The following GRID1 variants were observed in gnomAD, a reference collection of about 807,000 sequenced individuals.
The protein encoded by GRID1 is glutamate receptor ionotropic, delta-1.
GRID1 carries 28 observed loss-of-function variants against 98.0 expected under a neutral mutation model. The ratio of observed to expected loss-of-function variants is 0.29; its 90% CI spans 0.21 to 0.39. The LOEUF is 0.39. Among genes scored for constraint, GRID1 ranks in the 10% least tolerant of loss-of-function variants. GRID1 has a pLI of 1.00. For synonymous variants in GRID1, 553 were observed against 538.5 expected (o/e 1.03, Z -0.37); for missense variants, 1,111 against 1,340.5 (o/e 0.83, Z 2.67).
At chr10:85,690,813 A>G (rs1841323410) in intron 12 of GRID1, among the ~76,000 whole-genome samples, 2 of 152,192 alleles carry the variant, frequency 1.3e-5, no homozygotes, top group South Asian at 4.1e-4. Context: ...AGTTAGATAT[A>G]AAACCATCTC....
At chr10:85,991,531 G>A (rs1842680272) in intron 4 of GRID1, among the ~76,000 whole-genome samples, 2 of 152,050 alleles carry the variant, frequency 1.3e-5, no homozygotes, top group African/African-American at 2.4e-5. Context: ...CCTCTGGGGA[G>A]GTGGACAGTG....
chr10:85,659,122 A>C (rs1160693227), intron 12 of GRID1, among the ~76,000 whole-genome samples: 1 of 152,234 alleles, frequency 6.6e-6, no homozygotes, highest in Non-Finnish European at 1.5e-5. Flanking sequence ...AAAGTATGTC[A>C]CACATATTTT....
At chr10:86,286,380 G>A (rs1287293794) in intron 2 of GRID1, among the ~76,000 whole-genome samples, 1 of 152,158 alleles carries the variant, frequency 6.6e-6, no homozygotes, top group Non-Finnish European at 1.5e-5. Flanking sequence ...CGTGGGTGGA[G>A]ATGAGACCAT....
intron 8 of GRID1, among the ~76,000 whole-genome samples, chr10:85,801,306 A>T (rs73330533): frequency 0.032 from 4,907 of 152,022 alleles, 104 homozygotes; most frequent in East Asian, 0.058. Context: ...TAAATTTACA[A>T]GATGCATGTT....
chr10:86,029,822 G>A (rs1843161817), intron 4 of GRID1, among the ~76,000 whole-genome samples: 1 of 152,104 alleles, frequency 6.6e-6, no homozygotes, highest in African/African-American at 2.4e-5. Flanking sequence ...TGAGTAGGGT[G>A]TCCATAACCC....
At chr10:86,001,126 A>G (rs182608064) in intron 4 of GRID1, among the ~76,000 whole-genome samples, 153 of 152,332 alleles carry the variant, frequency 1.0e-3, no homozygotes, top group African/African-American at 3.5e-3. Context: ...TATTCATATT[A>G]CAGTCTCAAA....
chr10:86,255,761 C>T (rs898518980), intron 2 of GRID1, among the ~76,000 whole-genome samples: 3 of 152,160 alleles, frequency 2.0e-5, no homozygotes, highest in Non-Finnish European at 2.9e-5. Flanking sequence ...GAGATGGCTG[C>T]GTGCACTCAC....
At chr10:85,730,597 A>G (rs1257474484) in intron 8 of GRID1, among the ~76,000 whole-genome samples, 1 of 152,154 alleles carries the variant, frequency 6.6e-6, no homozygotes, top group Non-Finnish European at 1.5e-5. Context: ...AGTATCTTTT[A>G]AGGGGGCTTT....
chr10:85,851,891 T>C (rs1256940613), intron 8 of GRID1, among the ~76,000 whole-genome samples: 1 of 151,990 alleles, frequency 6.6e-6, no homozygotes, highest in Non-Finnish European at 1.5e-5. Context: ...CCATCCTCAA[T>C]TTTTTTCTCC....
intron 4 of GRID1, among the ~76,000 whole-genome samples, chr10:86,061,417 G>A (rs1472198864): frequency 6.6e-6 from 1 of 152,112 alleles, no homozygotes; most frequent in Non-Finnish European, 1.5e-5. Flanking sequence ...TTTCCATTGT[G>A]AAAGCAGCCA....
chr10:85,712,762 C>T (rs371742033), intron 12 of GRID1, among the ~76,000 whole-genome samples: 46 of 151,466 alleles, frequency 3.0e-4, no homozygotes, highest in African/African-American at 7.5e-4. Context: ...AATCAATAAC[C>T]GGAGGAAAAT....
intron 4 of GRID1, among the ~76,000 whole-genome samples, chr10:85,938,688 G>A (rs1164294094): frequency 6.6e-6 from 1 of 152,094 alleles, no homozygotes; most frequent in Non-Finnish European, 1.5e-5. Context: ...CAGTATTCTG[G>A]GGGCCAATTA....
chr10:85,734,920 A>C (rs1403107092), intron 8 of GRID1, among the ~76,000 whole-genome samples: 1 of 152,184 alleles, frequency 6.6e-6, no homozygotes, highest in Non-Finnish European at 1.5e-5. Flanking sequence ...TAGTCACCCA[A>C]GATTAGGAGA....
intron 4 of GRID1, among the ~76,000 whole-genome samples, chr10:86,087,510 C>CTGTGTG (rs60644459): frequency 0.064 from 9,043 of 140,908 alleles, 687 homozygotes; most frequent in African/African-American, 0.18. Context: ...GTGTGTGTGT[C>CTGTGTG]TGTGTGTGTG....
rs61328009 is a variant in GRID1, at chr10:86,332,443, T to G, written c.235+31498A>C. Among the ~76,000 whole-genome samples the G allele has an allele frequency of 5.7e-3, 869 of 152,064 alleles. 8 individuals carry two copies. Among genetic ancestry groups the G allele is most frequent in the African/African-American group, 0.019 (802 of 41,484 alleles). Reference sequence around the variant, plus strand: ...CACTCAGCCTCAGAGCTCCCAGGGGTCTGCTGGGGCTTCCCCTGGGATGGC... The same window carrying G: ...CACTCAGCCTCAGAGCTCCCAGGGGGCTGCTGGGGCTTCCCCTGGGATGGC... On this transcript the variant is annotated intron_variant, in intron 2 of 15. Transcript: ENST00000327946.
chr10:86,060,627 C>T (rs1478256060), intron 4 of GRID1, among the ~76,000 whole-genome samples: 2 of 152,200 alleles, frequency 1.3e-5, no homozygotes, highest in Non-Finnish European at 2.9e-5. Flanking sequence ...CCCCGGGTGT[C>T]GGATGCTCCA....
chr10:86,090,709 C>G (rs927108076), intron 4 of GRID1, among the ~76,000 whole-genome samples: 1 of 152,134 alleles, frequency 6.6e-6, no homozygotes, highest in Admixed American at 6.5e-5. Flanking sequence ...AATTTTAGCT[C>G]CAGATTGACT....
chr10:86,288,945 C>T (rs1458419239), intron 2 of GRID1, among the ~76,000 whole-genome samples: 3 of 152,216 alleles, frequency 2.0e-5, no homozygotes, highest in African/African-American at 7.2e-5. Context: ...AGCAATAGGA[C>T]ATGGCCCTGG....
At chr10:86,235,821 T>A (rs1351081990) in intron 2 of GRID1, among the ~76,000 whole-genome samples, 2 of 152,266 alleles carry the variant, frequency 1.3e-5, no homozygotes, top group African/African-American at 4.8e-5. Flanking sequence ...GTATCCAGTT[T>A]GAGGCCATCA....
Sources: allele counts gnomAD v4.1 joint callset (sites outside exome capture counted in the v4.1 genomes callset), GRCh38; gene constraint gnomAD v4.1.1; transcripts MANE v1.5; gene names NCBI Gene and HGNC (gene_info 2026-07-23, HGNC 2026-07-21).